The following BRMS1L variants were observed in gnomAD, a reference collection of about 807,000 sequenced individuals.
BRMS1L encodes the protein BRMS1 like transcriptional repressor.
BRMS1L carries 23 observed loss-of-function variants against 50.3 expected under a neutral mutation model. That is an observed-to-expected ratio of 0.46 (90% CI 0.33 to 0.65). The LOEUF is 0.65. BRMS1L is among the 30% of genes least tolerant of loss of function. The pLI is 0.02. For missense variants in BRMS1L, 286 were observed against 386.1 expected (o/e 0.74, Z 2.17); for synonymous variants, 114 against 126.9 (o/e 0.90, Z 0.69).
At chr14:35,835,572 G>A (rs1167355692) in intron 4 of BRMS1L, among the ~76,000 whole-genome samples, 1 of 152,132 alleles carries the variant, frequency 6.6e-6, no homozygotes, top group African/African-American at 2.4e-5. Context: ...CCCAGGCATG[G>A]TGGCTCACAC....
chr14:35,869,765 G>C (rs2078465205), intron 9 of BRMS1L, among the ~76,000 whole-genome samples: 1 of 152,066 alleles, frequency 6.6e-6, no homozygotes, highest in Non-Finnish European at 1.5e-5. Flanking sequence ...AGAATCACTT[G>C]AACCGGGGAG....
intron 4 of BRMS1L, among the ~76,000 whole-genome samples, chr14:35,847,739 C>T (rs780820494): frequency 1.9e-4 from 29 of 152,196 alleles, no homozygotes; most frequent in Non-Finnish European, 2.9e-4. Flanking sequence ...TCCGCCACAC[C>T]TGGCAACCAC....
At chr14:35,865,128 C>G in intron 7 of BRMS1L, 129 bp downstream of exon 7, 1 of 588,800 alleles carries the variant, frequency 1.7e-6, no homozygotes, top group Non-Finnish European at 2.9e-6. Context: ...TTTTCTAAGG[C>G]AATTTAATAC....
intron 4 of BRMS1L, among the ~76,000 whole-genome samples, chr14:35,861,467 A>T (rs1229642743): frequency 5.9e-5 from 9 of 152,212 alleles, no homozygotes; most frequent in Non-Finnish European, 1.3e-4. Context: ...GTTTTGCAGC[A>T]CAATATAGAT....
chr14:35,831,569 G>A, intron 2 of BRMS1L, 69 bp downstream of exon 2: 1 of 1,111,356 alleles, frequency 9.0e-7, no homozygotes, highest in East Asian at 2.4e-5. Flanking sequence ...TAGCACAAGA[G>A]CAACTAGATT....
At chr14:35,849,823 CT>C (rs567622470) in intron 4 of BRMS1L, among the ~76,000 whole-genome samples, 105 of 145,326 alleles carry the variant, frequency 7.2e-4, no homozygotes, top group Admixed American at 6.9e-4. Context: ...TTCTGTCTTT[CT>C]TTTTTTTTTT....
rs375342798 is a variant in BRMS1L at position 35,833,030 on chromosome 14, G to A, written c.286G>A (p.Ala96Thr). The A allele has an allele frequency of 1.2e-6, 2 of 1,613,408 alleles. No individual in the cohort carries two copies. Among genetic ancestry groups the A allele is most frequent in the Non-Finnish European group, 1.7e-6 (2 of 1,179,654 alleles). The change falls in exon 3 of 10, where the codon GCT becomes ACT. Residue 96 changes from alanine to threonine, a missense_variant. Ala to Thr is a moderately conservative substitution (Grantham distance 58). Coordinates refer to ENST00000216807, the MANE Select transcript of BRMS1L (RefSeq NM_032352.4). ...GGATGCAAAACTACAAGAAGTCATA[G>A]CTGGAAAAGCACCAGAATACTTGGA... ...QVDAKLQEVI[A>T]GKAPEYLEPL...
At chr14:35,844,108 C>G (rs1739863816) in intron 4 of BRMS1L, among the ~76,000 whole-genome samples, 1 of 152,218 alleles carries the variant, frequency 6.6e-6, no homozygotes, top group South Asian at 2.1e-4. Flanking sequence ...GCCATTGGAT[C>G]TTAGCTTGCT....
chr14:35,838,235 G>C (rs1347962012), intron 4 of BRMS1L, among the ~76,000 whole-genome samples: 1 of 152,090 alleles, frequency 6.6e-6, no homozygotes, highest in Non-Finnish European at 1.5e-5. Context: ...AGTATTCCAT[G>C]GTGTATATGT....
At position 35,857,842 on chromosome 14, in the gene BRMS1L, G is replaced by A. The variant is rs551563906; in HGVS notation, c.442-4748G>A. Among the ~76,000 whole-genome samples, 68 of 148,976 alleles carry A rather than the reference G, an allele frequency of 4.6e-4. 1 individual carries two copies. Among genetic ancestry groups the A allele is most frequent in the African/African-American group, 1.5e-3 (63 of 40,720 alleles). On this transcript the variant is annotated intron_variant, in intron 4 of 9. Coordinates refer to ENST00000216807, the MANE Select transcript of BRMS1L (RefSeq NM_032352.4). The stretch of plus-strand genomic sequence containing the variant: ...TAATTGCTTCATTTATTGTTTGTTA[G>A]TTTTCTCTGTGTTTATCAATTCTTC...
At chr14:35,844,006 C>T (rs1013168688) in intron 4 of BRMS1L, among the ~76,000 whole-genome samples, 25 of 152,164 alleles carry the variant, frequency 1.6e-4, no homozygotes, top group African/African-American at 5.6e-4. Flanking sequence ...ACTGCCTACT[C>T]AAGTCTCAGT....
intron 2 of BRMS1L, among the ~76,000 whole-genome samples, chr14:35,831,916 G>A (rs2077924558): frequency 7.0e-6 from 1 of 142,340 alleles, no homozygotes; most frequent in South Asian, 2.2e-4. Flanking sequence ...GTAAGACACT[G>A]TCTTAAAAAA....
At chr14:35,835,061 A>G in intron 4 of BRMS1L, 138 bp downstream of exon 4, 2 of 472,078 alleles carry the variant, frequency 4.2e-6, no homozygotes, top group Non-Finnish European at 6.8e-6. Flanking sequence ...TTAAAAAAAA[A>G]AAAGAATAGA....
At chr14:35,852,885 A>G (rs1327612267) in intron 4 of BRMS1L, among the ~76,000 whole-genome samples, 2 of 152,002 alleles carry the variant, frequency 1.3e-5, no homozygotes, top group East Asian at 3.9e-4. Flanking sequence ...GAGCCGAGAT[A>G]GTGTCACTGC....
intron 4 of BRMS1L, among the ~76,000 whole-genome samples, chr14:35,845,404 T>A (rs138507360): frequency 4.0e-4 from 61 of 152,364 alleles, no homozygotes; most frequent in African/African-American, 1.5e-3. Context: ...CTCTTCTTTT[T>A]TTCTCAGAAT....
intron 1 of BRMS1L, among the ~76,000 whole-genome samples, chr14:35,827,133 G>T (rs1001232576): frequency 6.6e-6 from 1 of 152,142 alleles, no homozygotes; most frequent in African/African-American, 2.4e-5. Flanking sequence ...TCTTTTCGGG[G>T]GCTAACTTGA....
intron 4 of BRMS1L, among the ~76,000 whole-genome samples, chr14:35,837,978 C>T (rs2078016336): frequency 6.6e-6 from 1 of 152,284 alleles, no homozygotes; most frequent in African/African-American, 2.4e-5. Context: ...CATCCATCAA[C>T]CCATCATCTA....
Position 35,871,880 on chromosome 14 carries a change from A to G in BRMS1L, c.*1403A>G, listed in dbSNP as rs1347629730. On this transcript the variant is annotated 3_prime_UTR_variant, in exon 10 of 10. Coordinates refer to ENST00000216807, the MANE Select transcript of BRMS1L (RefSeq NM_032352.4). Reference sequence around the variant, plus strand: ...AACCCAATAGTATTTGACAGTACTTATGTATACAATGTTTGATAAGCATTT... The same window carrying G: ...AACCCAATAGTATTTGACAGTACTTGTGTATACAATGTTTGATAAGCATTT... 5 of 152,680 alleles carry G rather than the reference A, an allele frequency of 3.3e-5. No homozygotes were observed. The highest frequency in any genetic ancestry group is 9.6e-5 in the African/African-American group (4 of 41,476). 9.5% of individuals were successfully genotyped at this position (152,680 alleles called of 1,614,324 possible). A position where few individuals can be genotyped will look rare whatever the true frequency, so the allele number is the denominator to read the frequency against.
intron 2 of BRMS1L, among the ~76,000 whole-genome samples, chr14:35,831,943 G>C (rs1179247841): frequency 3.3e-5 from 5 of 151,772 alleles, no homozygotes; most frequent in Admixed American, 1.3e-4. Context: ...AATTAGTTCT[G>C]TCCTGCAGGA....
Sources: allele counts gnomAD v4.1 joint callset (sites outside exome capture counted in the v4.1 genomes callset), GRCh38; gene constraint gnomAD v4.1.1; transcripts MANE v1.5; gene names NCBI Gene and HGNC (gene_info 2026-07-23, HGNC 2026-07-21).